Variants in DNAH11 observed in about 807,000 individuals in gnomAD.
DNAH11 encodes the protein dynein axonemal heavy chain 11, also known as axonemal beta dynein heavy chain 11.
DNAH11 carries 442 observed loss-of-function variants against 526.0 expected under a neutral mutation model. The ratio of observed to expected loss-of-function variants is 0.84; its 90% confidence interval spans 0.78 to 0.91. DNAH11 has a LOEUF of 0.91. Ranked by LOEUF, DNAH11 falls within the 40% of genes least tolerant of loss-of-function variation. The pLI is 0.00. For missense variants in DNAH11, 6,989 were observed against 5,448.7 expected (o/e 1.28, Z -8.90); for synonymous variants, 2,461 against 1,935.9 (o/e 1.27, Z -7.12).
At position 21,842,577 on chromosome 7, in the gene DNAH11, T is replaced by C. The variant is rs775291484; in HGVS notation, c.10725T>C (p.Phe3575=). 6.2e-6 allele frequency: 10 copies of C among 1,613,832 alleles called. No individual in the cohort carries two copies. In the East Asian group the frequency reaches 6.7e-5, roughly 11 times the overall value. The part of the protein sequence containing the change: ...YIRIGDKECE[F]NKNFRLILHT... ...GGATTGGAGATAAAGAATGTGAATTTAACAAGAACTTTCGCCTTATCCTTC... is the reference window on the plus strand; with the variant it reads ...GGATTGGAGATAAAGAATGTGAATTCAACAAGAACTTTCGCCTTATCCTTC... Residue 3575 remains phenylalanine (F), a synonymous_variant, in exon 66 of 82, where the codon TTT becomes TTC. Transcript: ENST00000409508.
Position 21,619,181 on chromosome 7 carries a change from AG to A in DNAH11, c.4338del (p.Ile1447LeufsTer6). On this transcript the variant is annotated frameshift_variant, in exon 24 of 82. Transcript: ENST00000409508. LOFTEE classifies it high-confidence loss of function. The stretch of plus-strand genomic sequence containing the variant: ...ACACAGAGTGGAAGATGATGTCCGA[AG>A]GATTGTGGACAAGGCGGTGAAAGAG... ...RLHRVEDDVR[R>X]IVDKAVKELG... is the part of the protein sequence containing the mutation. 1 of 1,613,516 alleles carries A rather than the reference AG, an allele frequency of 6.2e-7. No individual in the cohort carries two copies. Among genetic ancestry groups the A allele is most frequent in the South Asian group, 1.1e-5 (1 of 91,040 alleles).
intron 32 of DNAH11, among the ~76,000 whole-genome samples, chr7:21,685,649 CTG>C (rs1783341560): frequency 6.6e-6 from 1 of 152,150 alleles, no homozygotes; most frequent in Non-Finnish European, 1.5e-5. Context: ...CTTAAGTCAA[CTG>C]TGTATTGACT....
rs777813597 is a variant in DNAH11 at position 21,899,996 on chromosome 7, G to A, written c.13179G>A (p.Met4393Ile). The change falls in exon 81 of 82, where the codon ATG becomes ATA. Residue 4393 changes from methionine (M) to isoleucine (I), a missense_variant. By Grantham distance (10) the Met-to-Ile change is conservative (BLOSUM62 1). Coordinates refer to ENST00000409508, the MANE Select transcript of DNAH11 (RefSeq NM_001277115.2). Reference protein sequence around the residue: ...QSFLTAIMQTMARKNEWPLDK... With the variant: ...QSFLTAIMQTIARKNEWPLDK... ...TTTCCAAAGCAATCATGCAGACGAT[G>A]GCTCGAAAAAATGAGTGGCCCCTGG... The A allele has an allele frequency of 1.2e-6, 2 of 1,613,882 alleles. No individual in the cohort carries two copies. Among genetic ancestry groups the A allele is most frequent in the Admixed American group, 1.7e-5 (1 of 60,020 alleles).
chr7:21,810,160 A>G (rs1259722827), intron 63 of DNAH11, among the ~76,000 whole-genome samples: 1 of 152,256 alleles, frequency 6.6e-6, no homozygotes, highest in African/African-American at 2.4e-5. Flanking sequence ...CCTAAATTTG[A>G]AAATTCAAAC....
rs566036324 is a variant in DNAH11 at position 21,586,044 on chromosome 7, GACAA to G, written c.1711-2015_1711-2012del. On this transcript the variant is annotated intron_variant, in intron 9 of 81. Transcript: ENST00000409508. Reference sequence around the variant, plus strand: ...AGGGTGGTTTTTATACATTTTGCATGACAAACAATTACAATAATGTATACTGCCT... The same window carrying G: ...AGGGTGGTTTTTATACATTTTGCATGACAATTACAATAATGTATACTGCCT... 5.9e-3 allele frequency among the ~76,000 whole-genome samples: 899 copies of G among 152,268 alleles called. 7 individuals are homozygous for G. The highest frequency in any genetic ancestry group is 0.02 in the African/African-American group (841 of 41,544).
intron 6 of DNAH11, 84 bp downstream of exon 6, chr7:21,564,481 A>G (rs1783585969): frequency 2.3e-6 from 2 of 876,886 alleles, no homozygotes; most frequent in East Asian, 5.3e-5. Flanking sequence ...AATCTAGTAT[A>G]CAGTAAGAAC....
chr7:21,726,339 C>A (rs1234323229), intron 45 of DNAH11, among the ~76,000 whole-genome samples: 3 of 152,120 alleles, frequency 2.0e-5, no homozygotes, highest in Non-Finnish European at 4.4e-5. Context: ...GACCCAATCA[C>A]CCCACACCAG....
intron 20 of DNAH11, among the ~76,000 whole-genome samples, chr7:21,612,747 A>G (rs1313657609): frequency 2.6e-5 from 4 of 152,130 alleles, no homozygotes; most frequent in Admixed American, 6.6e-5. Flanking sequence ...AAAAATATAG[A>G]TCAGTCTTTC....
chr7:21,878,221 T>A (rs369832612), intron 74 of DNAH11, among the ~76,000 whole-genome samples: 1 of 152,262 alleles, frequency 6.6e-6, no homozygotes, highest in South Asian at 2.1e-4. Context: ...GCCTGATTCA[T>A]ATTTTTTTCC....
In DNAH11 at chr7:21,543,582, G is replaced by C; in HGVS notation, c.337G>C (p.Ala113Pro). Residue 113 changes from alanine (A) to proline (P), a missense_variant, in exon 1 of 82, where the codon GCG becomes CCG. Transcript: ENST00000409508. ...TAGCTTCGCCGCCTCGGGGCGCCTT[G>C]CGGCTTCCCAGGAGGTAAGAGGCGA... ...VFSFAASGRLAASQEIPRDAN... is the reference protein window; with the variant it reads ...VFSFAASGRLPASQEIPRDAN... 6.3e-7 allele frequency: 1 copy of C among 1,596,248 alleles called. No homozygotes were observed. Among genetic ancestry groups the C allele is most frequent in the South Asian group, 1.1e-5 (1 of 88,066 alleles).
chr7:21,675,843 C>T (rs117413882), intron 30 of DNAH11, among the ~76,000 whole-genome samples: 4,175 of 152,066 alleles, frequency 0.027, 87 homozygotes, highest in East Asian at 0.042. Context: ...TCATAAGTTC[C>T]ATAAAGATAA....
intron 1 of DNAH11, among the ~76,000 whole-genome samples, chr7:21,544,252 G>A (rs1203219904): frequency 6.6e-6 from 1 of 152,138 alleles, no homozygotes; most frequent in Non-Finnish European, 1.5e-5. Context: ...GATGAGTTTG[G>A]AGCAAGATTC....
rs536953050 is a variant in DNAH11, at chr7:21,726,175, G to A, written c.7440+191G>A. On this transcript the variant is annotated intron_variant, in intron 45 of 81. Coordinates refer to ENST00000409508, the MANE Select transcript of DNAH11 (RefSeq NM_001277115.2). ...AGAAAATCACAGGGGAAGGGGAAGC[G>A]GACACTTCACTTGGCCAAAGGGGAA... is the stretch of plus-strand genomic sequence containing the variant. 1.9e-4 allele frequency among the ~76,000 whole-genome samples: 29 copies of A among 152,248 alleles called. 1 individual carries two copies. In the South Asian group the frequency reaches 4.4e-3, roughly 23 times the overall value.
chr7:21,730,796 G>A (rs540608207), intron 45 of DNAH11, among the ~76,000 whole-genome samples: 91 of 152,220 alleles, frequency 6.0e-4, no homozygotes, highest in Non-Finnish European at 6.9e-4. Context: ...ACAATGTGTA[G>A]TATTTTTTAA....
chr7:21,739,071 T>A (rs1189075534), intron 47 of DNAH11, among the ~76,000 whole-genome samples: 3 of 152,334 alleles, frequency 2.0e-5, no homozygotes, highest in East Asian at 3.9e-4. Context: ...TGTAATAGTT[T>A]CCCTTTGTAT....
chr7:21,793,445 G>A (rs747797622), intron 61 of DNAH11, among the ~76,000 whole-genome samples: 1 of 151,654 alleles, frequency 6.6e-6, no homozygotes, highest in Non-Finnish European at 1.5e-5. Context: ...GTGAAACCCC[G>A]TCTGTACTAA....
intron 20 of DNAH11, among the ~76,000 whole-genome samples, chr7:21,614,771 G>C (rs957924898): frequency 1.3e-5 from 2 of 151,972 alleles, no homozygotes; most frequent in African/African-American, 4.8e-5. Context: ...GAAGTTTCTA[G>C]AGCCCCACCT....
At chr7:21,653,770 A>G (rs1280519225) in intron 28 of DNAH11, among the ~76,000 whole-genome samples, 2 of 152,216 alleles carry the variant, frequency 1.3e-5, no homozygotes, top group East Asian at 1.9e-4. Flanking sequence ...AAACTCATCT[A>G]TTTGAAACTC....
At chr7:21,727,078 T>C (rs565206181) in intron 45 of DNAH11, among the ~76,000 whole-genome samples, 27 of 149,678 alleles carry the variant, frequency 1.8e-4, no homozygotes, top group Admixed American at 6.0e-4. Context: ...GAACTACAGG[T>C]GCCCGCCACC....
Sources: allele counts gnomAD v4.1 joint callset (sites outside exome capture counted in the v4.1 genomes callset), GRCh38; gene constraint gnomAD v4.1.1; transcripts MANE v1.5; gene names NCBI Gene and HGNC (gene_info 2026-07-23, HGNC 2026-07-21).